MAPKAP1: variants seen among roughly 807,000 people sequenced by gnomAD.
MAPKAP1 encodes the protein target of rapamycin complex 2 subunit MAPKAP1.
A neutral mutation model predicts 65.7 loss-of-function variants in MAPKAP1; 20 were observed. The ratio of observed to expected loss-of-function variants is 0.30; its 90% CI spans 0.21 to 0.44. The LOEUF (loss-of-function observed/expected upper bound fraction) is 0.44, where lower values mean the gene tolerates loss of function less well. MAPKAP1 is among the 20% of genes least tolerant of loss of function. The pLI, the probability that MAPKAP1 is intolerant of heterozygous loss-of-function variation, is 1.00. For synonymous variants in MAPKAP1, 222 were observed against 244.3 expected, an observed-to-expected ratio of 0.91 and a Z score of 0.85; for missense variants, 423 against 648.0, an observed-to-expected ratio of 0.65 and a Z score of 3.77.
chr9:125,651,585 AAAAG>A (rs1833894916), intron 4 of MAPKAP1, among the ~76,000 whole-genome samples: 1 of 152,190 alleles, frequency 6.6e-6, no homozygotes, highest in Admixed American at 6.5e-5. Context: ...CAGCCTGGGC[AAAAG>A]AGAGAGACTC....
chr9:125,615,915 G>GA lies in MAPKAP1; in HGVS notation c.499-30189dup, dbSNP rs763540546. Among the ~76,000 whole-genome samples the GA allele has an allele frequency of 3.7e-3, 388 of 105,074 alleles. 1 individual carries two copies. The highest frequency in any genetic ancestry group is 8.0e-3 in the South Asian group (28 of 3,488). 68.9% of individuals were successfully genotyped at this position (105,074 alleles called of 152,430 possible). A position where few individuals can be genotyped will look rare whatever the true frequency, so the allele number is the denominator to read the frequency against. On this transcript the variant is annotated intron_variant, in intron 4 of 11. Transcript: ENST00000265960. ...GGCAACAGAGTGGGACTCCGTCTCA[G>GA]AAAAAAAAAAAAAAGAAAAGAAAAG...
Position 125,551,930 on chromosome 9 carries a change from T to G in MAPKAP1, c.848+7703A>C, listed in dbSNP as rs1014788983. ...ACTTTGTCTAAAGGAACAGTAGGCT[T>G]TGGCTTGGTCACTGCTGGCAAGAAA... On this transcript the variant is annotated intron_variant, in intron 6 of 11. Coordinates refer to ENST00000265960, the MANE Select transcript of MAPKAP1 (RefSeq NM_001006617.3). 9.8e-5 allele frequency among the ~76,000 whole-genome samples: 15 copies of G among 152,308 alleles called. 1 individual carries two copies. The highest frequency in any genetic ancestry group is 5.9e-5 in the Non-Finnish European group (4 of 68,018).
At chr9:125,628,436 A>G (rs531252393) in intron 4 of MAPKAP1, among the ~76,000 whole-genome samples, 4 of 152,362 alleles carry the variant, frequency 2.6e-5, no homozygotes, top group Non-Finnish European at 4.4e-5. Context: ...TGTTCTCATT[A>G]TAAGTCACTT....
chr9:125,442,884 T>G (rs1017318161), intron 11 of MAPKAP1, among the ~76,000 whole-genome samples: 1 of 152,248 alleles, frequency 6.6e-6, no homozygotes, highest in African/African-American at 2.4e-5. Context: ...TGGATCGCAA[T>G]TCTATTTCAT....
chr9:125,466,583 G>A (rs1435656256), intron 10 of MAPKAP1, among the ~76,000 whole-genome samples: 1 of 152,156 alleles, frequency 6.6e-6, no homozygotes, highest in African/African-American at 2.4e-5. Context: ...CATCTTTATT[G>A]GCCGACAAGC....
chr9:125,457,855 T>C (rs1322053255), intron 10 of MAPKAP1, among the ~76,000 whole-genome samples: 1 of 152,264 alleles, frequency 6.6e-6, no homozygotes, highest in Non-Finnish European at 1.5e-5. Flanking sequence ...ACTGCAGGCA[T>C]GCATAGTTTA....
chr9:125,639,862 T>C (rs141053502), intron 4 of MAPKAP1, among the ~76,000 whole-genome samples: 13 of 152,276 alleles, frequency 8.5e-5, no homozygotes, highest in African/African-American at 2.6e-4. Context: ...TGGAAGGTTA[T>C]GATGAGGAGG....
intron 1 of MAPKAP1, among the ~76,000 whole-genome samples, chr9:125,676,678 GAAA>G (rs1834655417): frequency 1.3e-5 from 2 of 152,204 alleles, no homozygotes; most frequent in Non-Finnish European, 2.9e-5. Flanking sequence ...AAAAGTTATG[GAAA>G]TGGACAGTGG....
Position 125,669,883 on chromosome 9 carries a change from T to C in MAPKAP1, c.284A>G (p.Lys95Arg). Residue 95 changes from lysine to arginine, a missense_variant, in exon 3 of 12, where the codon AAA becomes AGA. Lys to Arg is a conservative substitution (Grantham distance 26). This residue lies in a region of MAPKAP1 where 67 missense variants were observed against 69.6 expected (regional missense o/e 0.96). Transcript: ENST00000265960. ...NTAQRLERLR[K>R]ERQNQIKCKN... ...GCATTTGATCTGGTTTTGTCTCTCT[T>C]TTCGGAGTCGTTCTAATCTTTGAGC... 6.3e-7 allele frequency: 1 copy of C among 1,598,410 alleles called. No homozygotes were observed. Among genetic ancestry groups the C allele is most frequent in the Non-Finnish European group, 8.5e-7 (1 of 1,170,948 alleles).
In MAPKAP1 at chr9:125,527,642, G is replaced by A. The variant is rs899437633; in HGVS notation, c.958+15417C>T. ...CTCTCTCTTTCACACACACCCACAC[G>A]TCCTTTGGAAAGTGAGTTTGCTTTT... On this transcript the variant is annotated intron_variant, in intron 7 of 11. Transcript: ENST00000265960. Among the ~76,000 whole-genome samples the A allele has an allele frequency of 4.6e-5, 7 of 152,122 alleles. No homozygotes were observed. In the East Asian group the frequency reaches 9.6e-4, roughly 21 times the overall value.
chr9:125,652,985 G>T (rs1047319292), intron 4 of MAPKAP1, among the ~76,000 whole-genome samples: 5 of 152,138 alleles, frequency 3.3e-5, no homozygotes, highest in African/African-American at 1.2e-4. Flanking sequence ...GAAAGACATC[G>T]TCACTGCCCC....
At chr9:125,586,546 T>C (rs1401989891) in intron 4 of MAPKAP1, among the ~76,000 whole-genome samples, 6 of 151,972 alleles carry the variant, frequency 3.9e-5, no homozygotes, top group Admixed American at 3.9e-4. Context: ...CCTCAAGGCA[T>C]GCAAGAGTAG....
chr9:125,554,420 T>C (rs1830674863), intron 6 of MAPKAP1, among the ~76,000 whole-genome samples: 2 of 152,198 alleles, frequency 1.3e-5, no homozygotes, highest in South Asian at 4.1e-4. Flanking sequence ...GATTCAGGAC[T>C]TTCAGTTTTG....
At chr9:125,562,723 G>C (rs1209455467) in intron 5 of MAPKAP1, among the ~76,000 whole-genome samples, 1 of 152,212 alleles carries the variant, frequency 6.6e-6, no homozygotes, top group Non-Finnish European at 1.5e-5. Flanking sequence ...AAGCGGCTTA[G>C]ATATATAAGC....
intron 8 of MAPKAP1, chr9:125,506,008 T>A (rs765469736): frequency 9.5e-5 from 38 of 401,062 alleles, no homozygotes; most frequent in Non-Finnish European, 1.1e-4. Flanking sequence ...AAATAGCCTT[T>A]ACTTCAGAAA....
chr9:125,654,021 G>T (rs1026925370), intron 4 of MAPKAP1, among the ~76,000 whole-genome samples: 8 of 152,214 alleles, frequency 5.3e-5, no homozygotes, highest in Non-Finnish European at 8.8e-5. Context: ...TCTCAAGAAA[G>T]TGATATGGCA....
Position 125,570,355 on chromosome 9 carries a change from C to T in MAPKAP1, c.672-10546G>A, listed in dbSNP as rs117646318. ...TTCAAAGGTTGTTAGATCTGCTAAACGCTTCATGAAATGCCACTATGGTTC... is the reference window on the plus strand; with the variant it reads ...TTCAAAGGTTGTTAGATCTGCTAAATGCTTCATGAAATGCCACTATGGTTC... On this transcript the variant is annotated intron_variant, in intron 5 of 11. Transcript: ENST00000265960. Among the ~76,000 whole-genome samples the T allele has an allele frequency of 1.1e-3, 161 of 152,162 alleles. No individual in the cohort carries two copies. The East Asian group carries it at 0.02, about 18-fold the overall frequency.
At chr9:125,570,639 G>C (rs934475089) in intron 5 of MAPKAP1, among the ~76,000 whole-genome samples, 3 of 152,068 alleles carry the variant, frequency 2.0e-5, no homozygotes, top group African/African-American at 7.2e-5. Context: ...AATTTTACAT[G>C]CAATGTGTAA....
At chr9:125,512,484 C>T (rs968198026) in intron 7 of MAPKAP1, among the ~76,000 whole-genome samples, 1 of 152,224 alleles carries the variant, frequency 6.6e-6, no homozygotes, top group African/African-American at 2.4e-5. Context: ...ACATGCATTT[C>T]TCTGCCAGCT....
Sources: gnomAD v4.1 joint callset for allele counts (sites outside exome capture counted in the v4.1 genomes callset) on GRCh38, gnomAD v4.1.1 for gene constraint, gnomAD v4.1.1 regional missense constraint, MANE v1.5 for transcripts, NCBI Gene and HGNC (gene_info 2026-07-23, HGNC 2026-07-21) for gene names.